PNPLA1: variants seen among roughly 807,000 people sequenced by gnomAD.
PNPLA1 encodes the protein omega-hydroxyceramide transacylase.
PNPLA1 carries 36 observed loss-of-function variants against 51.7 expected under a neutral mutation model. That is an observed-to-expected ratio of 0.70 (90% CI 0.53 to 0.92). PNPLA1 has a LOEUF of 0.92. Ranked by LOEUF, PNPLA1 falls within the 40% of genes least tolerant of loss-of-function variation. The probability of loss-of-function intolerance (pLI) is 0.00; values close to 1 mark genes in which losing one functional copy is unlikely to be tolerated. For missense variants in PNPLA1, 658 were observed against 682.5 expected, an observed-to-expected ratio of 0.96 and a Z score of 0.40; for synonymous variants, 293 against 280.1, an observed-to-expected ratio of 1.05 and a Z score of -0.46.
rs754166062 is a variant in PNPLA1 at position 36,301,983 on chromosome 6, C to T, written c.898C>T (p.Arg300Trp). Residue 300 changes from arginine (R) to tryptophan (W), a missense_variant, in exon 6 of 9, where the codon CGG becomes TGG. Coordinates refer to ENST00000636260, the MANE Select transcript of PNPLA1 (RefSeq NM_001374623.1). ...PERSQPSLRA[R>W]QASLEGATQP... is the part of the protein sequence containing the mutation. Reference sequence around the variant, plus strand: ...ACGCAGTCAACCAAGCCTTCGAGCACGGCAGGCCAGTCTGGAAGGAGCCAC... The same window carrying T: ...ACGCAGTCAACCAAGCCTTCGAGCATGGCAGGCCAGTCTGGAAGGAGCCAC... 90 of 1,614,188 alleles carry T rather than the reference C, an allele frequency of 5.6e-5. No individual in the cohort carries two copies. The highest frequency in any genetic ancestry group is 2.2e-4 in the South Asian group (20 of 91,084).
chr6:36,303,792 A>G (rs1771148204), intron 6 of PNPLA1, among the ~76,000 whole-genome samples: 1 of 152,238 alleles, frequency 6.6e-6, no homozygotes, highest in Non-Finnish European at 1.5e-5. Flanking sequence ...AGATTGTGCC[A>G]TTGCACTCCA....
intron 5 of PNPLA1, among the ~76,000 whole-genome samples, chr6:36,296,577 T>G (rs926194346): frequency 6.6e-6 from 1 of 152,204 alleles, no homozygotes; most frequent in African/African-American, 2.4e-5. Flanking sequence ...AGGGGTTGGA[T>G]GAGATTTTCT....
intron 1 of PNPLA1, among the ~76,000 whole-genome samples, chr6:36,282,424 G>A (rs1049515178): frequency 6.6e-5 from 10 of 152,152 alleles, no homozygotes; most frequent in African/African-American, 2.4e-4. Context: ...ATGTTTAAAC[G>A]TCTCTATCCA....
In PNPLA1 at chr6:36,270,458, A is replaced by T; in HGVS notation, c.-2A>T. ...TTCCGCAGAAAGTCAGAGGCCGAGG[A>T]GATGGAAGAACAGGTGTTCAAGGGG... On this transcript the variant is annotated 5_prime_UTR_variant, in exon 1 of 9. Transcript: ENST00000636260. 1 of 1,551,096 alleles carries T rather than the reference A, an allele frequency of 6.4e-7. No individual in the cohort carries two copies. The highest frequency in any genetic ancestry group is 8.7e-7 in the Non-Finnish European group (1 of 1,146,936).
chr6:36,295,867 A>G (rs1057397358), intron 5 of PNPLA1, among the ~76,000 whole-genome samples: 7 of 152,238 alleles, frequency 4.6e-5, no homozygotes, highest in Non-Finnish European at 5.9e-5. Flanking sequence ...CCTATTGATC[A>G]GCAAATCACA....
chr6:36,301,019 C>G (rs1328697268), intron 5 of PNPLA1, among the ~76,000 whole-genome samples: 1 of 152,134 alleles, frequency 6.6e-6, no homozygotes, highest in Non-Finnish European at 1.5e-5. Context: ...CCATTGGGAG[C>G]CCTTTCAGTT....
chr6:36,291,575 GAGGGACACGGAGGGGGC>G, intron 2 of PNPLA1, 23 bp downstream of exon 2: 6 of 521,316 alleles, frequency 1.2e-5, no homozygotes, highest in East Asian at 5.1e-5. Context: ...GGCTGGGAGG[GAGGGACACGGAGGGGGC>G]GGGGGAGGGC....
intron 8 of PNPLA1, among the ~76,000 whole-genome samples, chr6:36,311,406 G>A (rs2127358167): frequency 6.6e-6 from 1 of 152,334 alleles, no homozygotes; most frequent in African/African-American, 2.4e-5. Context: ...GATGGAGGTA[G>A]CGGAGAGGCC....
intron 1 of PNPLA1, among the ~76,000 whole-genome samples, chr6:36,260,987 CTAA>C (rs1399482794): frequency 1.3e-5 from 2 of 152,058 alleles, no homozygotes; most frequent in Non-Finnish European, 2.9e-5. Context: ...CCACACCCGG[CTAA>C]TATTTTGTGT....
chr6:36,300,178 T>TGTGTGTGTGTGTGTGTGTGAGAGA, intron 5 of PNPLA1, among the ~76,000 whole-genome samples: 1 of 98,088 alleles, frequency 1.0e-5, no homozygotes, highest in African/African-American at 3.3e-5. Flanking sequence ...TGTGTGTGTG[T>TGTGTGTGTGTGTGTGTGTGAGAGA]GAGAGAGAGA....
upstream of PNPLA1, among the ~76,000 whole-genome samples, chr6:36,268,176 C>T (rs1769806877): frequency 2.6e-5 from 4 of 152,156 alleles, no homozygotes; most frequent in South Asian, 8.3e-4. Context: ...TGGATCAAGC[C>T]TTCCCCTTTG....
intron 6 of PNPLA1, among the ~76,000 whole-genome samples, chr6:36,302,858 T>C (rs1771110558): frequency 6.6e-6 from 1 of 152,122 alleles, no homozygotes; most frequent in Non-Finnish European, 1.5e-5. Context: ...GCTGGGCCAG[T>C]AGATTTTTAC....
At chr6:36,286,518 G>A (rs1770492190) in intron 1 of PNPLA1, among the ~76,000 whole-genome samples, 1 of 151,978 alleles carries the variant, frequency 6.6e-6, no homozygotes, top group Non-Finnish European at 1.5e-5. Flanking sequence ...AGGAGGCTGA[G>A]GTGGGAGGAT....
rs376134805 is a variant in PNPLA1, at chr6:36,302,199, G to A, written c.1114G>A (p.Val372Ile). The A allele has an allele frequency of 5.0e-6, 8 of 1,614,078 alleles. No homozygotes were observed. The Admixed American group carries it at 1.0e-4, about 20-fold the overall frequency. ...TPLSLSGMPPVSFPAVHKPPS... is the reference protein window; with the variant it reads ...TPLSLSGMPPISFPAVHKPPS... ...ACTTTCTCTAAGTGGCATGCCACCT[G>A]TATCATTCCCAGCTGTGCACAAGCC... The change falls in exon 6 of 9, where the codon GTA becomes ATA. Residue 372 changes from valine (V) to isoleucine (I), a missense_variant. Physicochemically the swap from Val to Ile is conservative, Grantham distance 29 (BLOSUM62 3). Coordinates refer to ENST00000636260, the MANE Select transcript of PNPLA1 (RefSeq NM_001374623.1).
chr6:36,261,951 G>A (rs75501314), intron 1 of PNPLA1, among the ~76,000 whole-genome samples: 26 of 152,276 alleles, frequency 1.7e-4, no homozygotes, highest in African/African-American at 5.8e-4. Context: ...GTAAACTCAG[G>A]GTGCCTTTAT....
chr6:36,309,429 C>T (rs1259119842), intron 8 of PNPLA1, among the ~76,000 whole-genome samples: 2 of 152,124 alleles, frequency 1.3e-5, no homozygotes, highest in East Asian at 1.9e-4. Flanking sequence ...TGGGAAGCCA[C>T]GGATCTGCGG....
intron 1 of PNPLA1, among the ~76,000 whole-genome samples, chr6:36,288,539 G>A (rs907208549): frequency 2.0e-5 from 3 of 148,240 alleles, no homozygotes; most frequent in Admixed American, 6.9e-5. Context: ...TGCAAGCTCC[G>A]CTTCCCGGGT....
At position 36,306,329 on chromosome 6, in the gene PNPLA1, CG is replaced by C. The variant is rs1561873896; in HGVS notation, c.1423del (p.Val475CysfsTer6). 2.5e-5 allele frequency: 40 copies of C among 1,613,010 alleles called. No homozygotes were observed. The highest frequency in any genetic ancestry group is 3.2e-5 in the Non-Finnish European group (38 of 1,179,610). On this transcript the variant is annotated frameshift_variant, in exon 7 of 9. Transcript: ENST00000636260. LOFTEE classifies it high-confidence loss of function. ...TTGTCTCTTCAAAACCAAAAAGCGCCGTGCCTCTGGTTCATGTGAAGGAAAC... is the reference window on the plus strand; with the variant it reads ...TTGTCTCTTCAAAACCAAAAAGCGCCTGCCTCTGGTTCATGTGAAGGAAAC... ...LLVSSKPKSA[V>X]PLVHVKETVS...
rs1554136650 is a variant in PNPLA1, at chr6:36,282,212, G to GGAAGGAAGGGAAGGAA, written c.206-9107_206-9106insAAGGAAGGGAAGGAAG. 2.6e-4 allele frequency among the ~76,000 whole-genome samples: 28 copies of GGAAGGAAGGGAAGGAA among 108,730 alleles called. 2 individuals carry two copies. The highest frequency in any genetic ancestry group is 7.8e-4 in the African/African-American group (23 of 29,384). 71.3% of individuals were successfully genotyped at this position (108,730 alleles called of 152,430 possible). On this transcript the variant is annotated intron_variant, in intron 1 of 8. Coordinates refer to ENST00000636260, the MANE Select transcript of PNPLA1 (RefSeq NM_001374623.1). ...AAGAAAGAAGGAAGGAAGGAAGGAA[G>GGAAGGAAGGGAAGGAA]GGAAGGAAGGAAGGAAGGAAGGAAA...
Sources: gnomAD v4.1 joint callset for allele counts (sites outside exome capture counted in the v4.1 genomes callset) on GRCh38, gnomAD v4.1.1 for gene constraint, MANE v1.5 for transcripts, NCBI Gene and HGNC (gene_info 2026-07-23, HGNC 2026-07-21) for gene names.